The following KDM5A variants were observed in gnomAD, a reference collection of about 807,000 sequenced individuals.
KDM5A encodes lysine demethylase 5A, also known as lysine-specific demethylase 5A.
KDM5A carries 42 observed loss-of-function variants against 193.5 expected under a neutral mutation model. The ratio of observed to expected loss-of-function variants is 0.22; its 90% CI spans 0.17 to 0.28. The LOEUF (loss-of-function observed/expected upper bound fraction) is 0.28. KDM5A is among the 10% of genes least tolerant of loss of function. The pLI is 1.00. For synonymous variants in KDM5A, 796 were observed against 718.1 expected (o/e 1.11, Z -1.73); for missense variants, 1,692 against 2,055.1 (o/e 0.82, Z 3.42).
chr12:333,771 G>C (rs1414521230), intron 11 of KDM5A, 122 bp from the exon 12 acceptor site: 1 of 928,132 alleles, frequency 1.1e-6, no homozygotes, highest in African/African-American at 1.6e-5. Flanking sequence ...TATATGCCCT[G>C]AATTCTGGCA....
At position 307,153 on chromosome 12, in the gene KDM5A, G is replaced by A. The variant is rs1311696356; in HGVS notation, c.3931-64C>T. The A allele has an allele frequency of 3.1e-6, 5 of 1,590,058 alleles. No homozygotes were observed. The highest frequency in any genetic ancestry group is 1.3e-5 in the African/African-American group (1 of 74,270). On this transcript the variant is annotated intron_variant, in intron 23 of 27. Transcript: ENST00000399788. This position sits in a 1 kb window ranked among gnomAD's most constrained non-coding sequence, Gnocchi z 4.3. ...GCTAAACAGACAGGGTAATTAATGT[G>A]TGCTTAAGATCACCAAAATGTAATG...
At chr12:345,007 G>T (rs1338218254) in intron 10 of KDM5A, among the ~76,000 whole-genome samples, 1 of 152,050 alleles carries the variant, frequency 6.6e-6, no homozygotes, top group African/African-American at 2.4e-5. Context: ...TCAGTGTGCC[G>T]TATTCAGGAG....
Position 307,456 on chromosome 12 carries a change from G to C in KDM5A, c.3928C>G (p.Gln1310Glu), listed in dbSNP as rs770817937. ...AAGAATGTAAATCCTAAACTTGCCT[G>C]TAAGTCTGGATTGGCAGCTGCTTTT... Reference protein sequence around the residue: ...LQKAAANPDLQGHLPSFQQSA... With the variant: ...LQKAAANPDLEGHLPSFQQSA... Residue 1310 changes from glutamine to glutamate, a missense_variant and splice_region_variant, in exon 23 of 28, where the codon CAG becomes GAG. Physicochemically the swap from Gln to Glu is conservative, Grantham distance 29. Around this residue, in one of 11 missense-constraint regions of KDM5A, gnomAD observed 965 missense variants for 1,061.0 expected, o/e 0.91. Coordinates refer to ENST00000399788, the MANE Select transcript of KDM5A (RefSeq NM_001042603.3). The surrounding 1 kb of genome is among the most constrained non-coding windows in gnomAD (Gnocchi z 4.3). 1.9e-6 allele frequency: 3 copies of C among 1,612,746 alleles called. No individual in the cohort carries two copies. The highest frequency in any genetic ancestry group is 2.2e-5 in the East Asian group (1 of 44,886).
rs200173798 is a variant in KDM5A at position 389,109 on chromosome 12, G to C, written c.-18C>G. 1.4e-5 allele frequency: 22 copies of C among 1,601,924 alleles called. No homozygotes were observed. The highest frequency in any genetic ancestry group is 3.4e-4 in the Middle Eastern group (2 of 5,816). On this transcript the variant is annotated 5_prime_UTR_variant, in exon 1 of 28. Transcript: ENST00000399788. Reference sequence around the variant, plus strand: ...CCCGCCATTGCAACGGCCGGGGGGGGGGGGGGGTCCCCGTGGGGAACCGGT... The same window carrying C: ...CCCGCCATTGCAACGGCCGGGGGGGCGGGGGGGTCCCCGTGGGGAACCGGT...
intron 10 of KDM5A, among the ~76,000 whole-genome samples, chr12:339,577 A>G (rs1314499217): frequency 4.6e-5 from 7 of 152,234 alleles, no homozygotes. Flanking sequence ...CGATCTATTT[A>G]AAACTAAAAA....
chr12:387,331 G>A, intron 1 of KDM5A: 1 of 295,818 alleles, frequency 3.4e-6, no homozygotes, highest in Non-Finnish European at 6.6e-6. Context: ...GACATAAAGA[G>A]AAAGCATTAT....
In KDM5A at chr12:311,003, A is replaced by G; in HGVS notation, c.3098T>C (p.Ile1033Thr). 6.2e-7 allele frequency: 1 copy of G among 1,614,216 alleles called. No homozygotes were observed. ...LESLSAKGRP[I>T]PVRLEALPQV... ...CGGCAGTGCTTCAAGACGCACAGGA[A>G]TAGGGCGTCCTTTCGCAGACAAGCT... Residue 1033 changes from isoleucine (I) to threonine (T), a missense_variant, in exon 21 of 28, where the codon ATT (isoleucine) becomes ACT (threonine). Around this residue, in one of 11 missense-constraint regions of KDM5A, gnomAD observed 965 missense variants for 1,061.0 expected, o/e 0.91. Coordinates refer to ENST00000399788, the MANE Select transcript of KDM5A (RefSeq NM_001042603.3).
chr12:363,096 C>T lies in KDM5A; in HGVS notation c.539G>A (p.Gly180Asp), dbSNP rs1289507429. Residue 180 changes from glycine to aspartate, a missense_variant and splice_region_variant, in exon 5 of 28, where the codon GGT (glycine) becomes GAT (aspartate). Physicochemically the swap from Gly to Asp is moderately conservative, Grantham distance 94. Around this residue, in one of 11 missense-constraint regions of KDM5A, gnomAD observed 120 missense variants for 172.0 expected, o/e 0.70. Transcript: ENST00000399788. ...AAGATCTAAATTAGGCATCTGCACA[C>T]CCTAAAAGATCAGAGCACAGAAAGA... ...ELFQSGVSLM[G>D]VQMPNLDLKE... 1.9e-6 allele frequency: 3 copies of T among 1,613,860 alleles called. No individual in the cohort carries two copies. Among genetic ancestry groups the T allele is most frequent in the Non-Finnish European group, 2.5e-6 (3 of 1,179,952 alleles).
chr12:341,088 A>G (rs888513402), intron 10 of KDM5A, among the ~76,000 whole-genome samples: 20 of 152,152 alleles, frequency 1.3e-4, no homozygotes, highest in Admixed American at 2.6e-4. Context: ...AAATTCTGTG[A>G]TCTGTAAAAC....
intron 14 of KDM5A, among the ~76,000 whole-genome samples, chr12:325,430 CCCA>C (rs1193364616): frequency 2.0e-5 from 3 of 152,126 alleles, no homozygotes; most frequent in African/African-American, 7.2e-5. Context: ...CACCTGTAAT[CCCA>C]CCACTTTGGG....
chr12:295,528 C>A (rs2137369489), intron 26 of KDM5A, 45 bp downstream of exon 26: 1 of 1,546,256 alleles, frequency 6.5e-7, no homozygotes, highest in Non-Finnish European at 8.9e-7. Flanking sequence ...GGAACCTAGG[C>A]ATTCTAGTTT....
At chr12:318,031 C>T (rs1378777262) in intron 19 of KDM5A, 75 bp downstream of exon 19, 3 of 1,106,804 alleles carry the variant, frequency 2.7e-6, no homozygotes, top group African/African-American at 3.1e-5. Context: ...ATGAAATAAG[C>T]TTTTAAGTTC....
In KDM5A at chr12:323,717, G is replaced by A. The variant is rs2137412001; in HGVS notation, c.2033C>T (p.Ala678Val). 6.2e-7 allele frequency: 1 copy of A among 1,613,972 alleles called. No individual in the cohort carries two copies. The highest frequency in any genetic ancestry group is 1.1e-5 in the South Asian group (1 of 91,082). The stretch of plus-strand genomic sequence containing the variant: ...AGAGAGAAAACATGTGGTTCTGCAT[G>A]CTGAACACTGCCGCTCATCATCAGG... ...LVPDDERQCS[A>V]CRTTCFLSAL... Residue 678 changes from alanine to valine, a missense_variant, in exon 15 of 28, where the codon GCA becomes GTA. By Grantham distance (64) the Ala-to-Val change is moderately conservative. Coordinates refer to ENST00000399788, the MANE Select transcript of KDM5A (RefSeq NM_001042603.3).
intron 27 of KDM5A, chr12:286,113 G>C (rs1254054465): frequency 2.1e-6 from 1 of 480,348 alleles, no homozygotes; most frequent in Non-Finnish European, 4.3e-6. Context: ...AAAGTACTAA[G>C]AGCATTAAAT....
chr12:287,279 C>T (rs1943230471), intron 27 of KDM5A, among the ~76,000 whole-genome samples: 1 of 152,126 alleles, frequency 6.6e-6, no homozygotes, highest in South Asian at 2.1e-4. Context: ...GAGTACAAGC[C>T]AGAAGCTTAC....
intron 24 of KDM5A, among the ~76,000 whole-genome samples, chr12:299,835 G>C (rs944313260): frequency 6.6e-6 from 1 of 151,738 alleles, no homozygotes; most frequent in African/African-American, 2.4e-5. Flanking sequence ...TCAAAATAAA[G>C]GGATGGAGGA....
At chr12:319,488 T>C (rs1943690285) in intron 18 of KDM5A, among the ~76,000 whole-genome samples, 1 of 152,214 alleles carries the variant, frequency 6.6e-6, no homozygotes, top group Admixed American at 6.5e-5. Context: ...TGGTGGCTCA[T>C]GTCTGTAATT....
In KDM5A at chr12:283,921, A is replaced by C. The variant is rs777360439; in HGVS notation, c.*1535T>G. On this transcript the variant is annotated 3_prime_UTR_variant, in exon 28 of 28. Transcript: ENST00000399788. ...AGAACACAACAGGAGGGAAGAGGAC[A>C]CAGCACCATAGTTTCAAACATTCAC... 18 of 233,390 alleles carry C rather than the reference A, an allele frequency of 7.7e-5. No homozygotes were observed. The highest frequency in any genetic ancestry group is 1.4e-4 in the Non-Finnish European group (17 of 117,968). The allele number at this position is 233,390 out of a possible 1,614,324, so 14.5% of individuals were successfully genotyped here. A position where few individuals can be genotyped will look rare whatever the true frequency, so the allele number is the denominator to read the frequency against.
intron 3 of KDM5A, among the ~76,000 whole-genome samples, chr12:375,026 A>G (rs892428509): frequency 1.3e-5 from 2 of 152,040 alleles, no homozygotes; most frequent in Non-Finnish European, 2.9e-5. Flanking sequence ...CTTCATTTCA[A>G]CTTTGGTGAA....
Sources: allele counts gnomAD v4.1 joint callset (sites outside exome capture counted in the v4.1 genomes callset), GRCh38; gene constraint gnomAD v4.1.1; regional missense constraint gnomAD v4.1.1; non-coding constraint Gnocchi (gnomAD v3.1); transcripts MANE v1.5; gene names NCBI Gene and HGNC (gene_info 2026-07-23, HGNC 2026-07-21).